Variants in MYLIP observed in about 807,000 individuals in gnomAD.
MYLIP encodes the protein E3 ubiquitin-protein ligase MYLIP.
In MYLIP, 26 loss-of-function variants were observed where a neutral mutation model predicts 45.8. The ratio of observed to expected loss-of-function variants is 0.57; its 90% CI spans 0.42 to 0.79. The LOEUF is 0.79. MYLIP is among the 30% of genes least tolerant of loss of function. MYLIP has a pLI of 0.00. For synonymous variants in MYLIP, 213 were observed against 218.1 expected (o/e 0.98, Z 0.21); for missense variants, 494 against 555.6 (o/e 0.89, Z 1.11).
downstream of MYLIP, among the ~76,000 whole-genome samples, chr6:16,153,193 C>T (rs73724999): frequency 5.5e-3 from 831 of 152,296 alleles, 6 homozygotes; most frequent in African/African-American, 0.019. Context: ...AAAACCATTG[C>T]TAGTAATGTG....
chr6:16,145,064 A>C lies in MYLIP; in HGVS notation c.995A>C (p.Asn332Thr), dbSNP rs760380055. The change falls in exon 6 of 7, where the codon AAT becomes ACT. Residue 332 changes from asparagine to threonine, a missense_variant. Asn to Thr is a moderately conservative substitution (Grantham distance 65, BLOSUM62 0). Transcript: ENST00000356840. ...VYDHARRALY[N>T]AGVVDLVSRN... ...GACCATGCCAGGAGGGCTCTGTACA[A>C]TGCTGGCGTTGTGGACCTCGTTTCA... is the stretch of plus-strand genomic sequence containing the variant. The C allele has an allele frequency of 6.2e-7, 1 of 1,614,232 alleles. No individual in the cohort carries two copies. The highest frequency in any genetic ancestry group is 1.1e-5 in the South Asian group (1 of 91,084).
At chr6:16,150,160 G>A (rs969772898), downstream of MYLIP, among the ~76,000 whole-genome samples, 13 of 152,204 alleles carry the variant, frequency 8.5e-5, no homozygotes, top group Admixed American at 3.3e-4. Context: ...AGTGAACAGC[G>A]AGACTATGAA....
downstream of MYLIP, among the ~76,000 whole-genome samples, chr6:16,150,909 G>A (rs957497396): frequency 6.6e-6 from 1 of 152,076 alleles, no homozygotes; most frequent in African/African-American, 2.4e-5. Flanking sequence ...AGTTCTGGGG[G>A]GAAGTGTCCC....
the MYLIP span, among the ~76,000 whole-genome samples, chr6:16,153,674 C>T: frequency 1.1e-4 from 16 of 152,268 alleles, no homozygotes; most frequent in South Asian, 8.3e-4. Context: ...GCTGCTGATG[C>T]GGGCCAGGAG....
At chr6:16,145,422 C>T (rs929406251) in intron 6 of MYLIP, 105 bp downstream of exon 6, 30 of 1,262,214 alleles carry the variant, frequency 2.4e-5, no homozygotes, top group African/African-American at 4.5e-5. Context: ...ACGGGGAATG[C>T]CCATCTTCAC....
the MYLIP span, among the ~76,000 whole-genome samples, chr6:16,155,208 G>A: frequency 6.6e-6 from 1 of 152,294 alleles, no homozygotes; most frequent in Admixed American, 6.5e-5. Context: ...GGCAGCTCCT[G>A]TTCCAGGCCC....
At chr6:16,131,573 A>C (rs1402843123) in intron 2 of MYLIP, among the ~76,000 whole-genome samples, 2 of 152,254 alleles carry the variant, frequency 1.3e-5, no homozygotes, top group Admixed American at 6.5e-5. Flanking sequence ...ATATCAAAAA[A>C]TTAAAAAGGA....
downstream of MYLIP, among the ~76,000 whole-genome samples, chr6:16,149,915 A>C (rs1759857170): frequency 6.6e-6 from 1 of 152,250 alleles, no homozygotes; most frequent in Admixed American, 6.5e-5. Context: ...AGTAGAAAGG[A>C]AATTACAACA....
rs911588626 is a variant in MYLIP at position 16,147,653 on chromosome 6, A to C, written c.*902A>C. 4 of 152,340 alleles carry C rather than the reference A, an allele frequency of 2.6e-5. No homozygotes were observed. Among genetic ancestry groups the C allele is most frequent in the Non-Finnish European group, 5.9e-5 (4 of 68,044 alleles). The allele number at this position is 152,340 out of a possible 1,614,324, so 9.4% of individuals were successfully genotyped here. ...TCACTTCTCCCAAGCACTCGATCCC[A>C]GCTTCACCCACTGGTGTTGCTTTGC... On this transcript the variant is annotated 3_prime_UTR_variant, in exon 7 of 7. Transcript: ENST00000356840.
chr6:16,150,933 T>C (rs1474291668), downstream of MYLIP, among the ~76,000 whole-genome samples: 2 of 152,074 alleles, frequency 1.3e-5, no homozygotes, highest in African/African-American at 4.8e-5. Flanking sequence ...AACTCTGCCA[T>C]TGAACACCAA....
rs116367169 is a variant in MYLIP, at chr6:16,139,574, A to G, written c.279-2051A>G. Among the ~76,000 whole-genome samples, 1,444 of 152,310 alleles carry G rather than the reference A, an allele frequency of 9.5e-3. 27 individuals are homozygous for G. Among genetic ancestry groups the G allele is most frequent in the African/African-American group, 0.033 (1,380 of 41,572 alleles). ...TACAGAGATGGGTACATTCACCAAG[A>G]TGAAGTTTATCAAATGGTCATCTAA... On this transcript the variant is annotated intron_variant, in intron 2 of 6. Coordinates refer to ENST00000356840, the MANE Select transcript of MYLIP (RefSeq NM_013262.4).
At chr6:16,153,725 G>T in the MYLIP span, among the ~76,000 whole-genome samples, 5 of 152,190 alleles carry the variant, frequency 3.3e-5, no homozygotes, top group South Asian at 6.2e-4. Flanking sequence ...GCGAGAGCCA[G>T]GCAAAGCTGC....
intron 2 of MYLIP, among the ~76,000 whole-genome samples, chr6:16,133,328 G>C (rs1033490511): frequency 1.3e-5 from 2 of 152,118 alleles, no homozygotes; most frequent in African/African-American, 4.8e-5. Flanking sequence ...CTAAATATGT[G>C]TCTCTGAAAA....
intron 5 of MYLIP, among the ~76,000 whole-genome samples, chr6:16,144,627 C>G (rs183311610): frequency 2.0e-5 from 3 of 152,364 alleles, no homozygotes; most frequent in South Asian, 2.1e-4. Context: ...AGCAACTTCA[C>G]TCAGTAGCGT....
At chr6:16,138,507 G>A (rs1759602005) in intron 2 of MYLIP, among the ~76,000 whole-genome samples, 1 of 152,176 alleles carries the variant, frequency 6.6e-6, no homozygotes. Flanking sequence ...GCCTATTAGA[G>A]TGCTGATCTT....
chr6:16,155,793 C>T, the MYLIP span, among the ~76,000 whole-genome samples: 1 of 152,152 alleles, frequency 6.6e-6, no homozygotes. Context: ...TGGGGAGAAC[C>T]TGTGATGCTG....
At chr6:16,146,637 G>A in intron 6 of MYLIP, 25 bp from the exon 7 acceptor site, 1 of 1,592,842 alleles carries the variant, frequency 6.3e-7, no homozygotes. Context: ...CATGCTAACA[G>A]AGACTGTTGG....
At chr6:16,143,997 G>A (rs1759733739) in intron 5 of MYLIP, 134 bp downstream of exon 5, 1 of 1,056,380 alleles carries the variant, frequency 9.5e-7, no homozygotes, top group African/African-American at 1.6e-5. Context: ...TGAACATTTT[G>A]TTTCCGTAGT....
In MYLIP at chr6:16,147,538, A is replaced by T. The variant is rs1759818934; in HGVS notation, c.*787A>T. ...GTGGAATATTTTATTTCAGACTGAA[A>T]ACAGAGAGCACTCTCCTTGGGAAGG... On this transcript the variant is annotated 3_prime_UTR_variant, in exon 7 of 7. Transcript: ENST00000356840. The T allele has an allele frequency of 6.6e-6, 1 of 152,218 alleles. No homozygotes were observed. Among genetic ancestry groups the T allele is most frequent in the East Asian group, 1.9e-4 (1 of 5,190 alleles). 9.4% of individuals were successfully genotyped at this position (152,218 alleles called of 1,614,324 possible).
Sources: gnomAD v4.1 joint callset for allele counts (sites outside exome capture counted in the v4.1 genomes callset) on GRCh38, gnomAD v4.1.1 for gene constraint, MANE v1.5 for transcripts, NCBI Gene and HGNC (gene_info 2026-07-23, HGNC 2026-07-21) for gene names.